The following CPD variants were observed in gnomAD, a reference collection of about 807,000 sequenced individuals.
The protein encoded by CPD is carboxypeptidase D.
In CPD, 69 loss-of-function variants were observed where a neutral mutation model predicts 138.3. The ratio of observed to expected loss-of-function variants is 0.50; its 90% CI spans 0.41 to 0.61. CPD has a LOEUF of 0.61. Among genes scored for constraint, CPD ranks in the 20% least tolerant of loss-of-function variants. The pLI, the probability that CPD is intolerant of heterozygous loss-of-function variation, is 0.00. For missense variants in CPD, 1,432 were observed against 1,733.3 expected, an observed-to-expected ratio of 0.83 and a Z score of 3.09; for synonymous variants, 651 against 642.1, an observed-to-expected ratio of 1.01 and a Z score of -0.21.
chr17:30,437,765 T>G (rs984582459), intron 8 of CPD, among the ~76,000 whole-genome samples: 18 of 114,432 alleles, frequency 1.6e-4, no homozygotes, highest in African/African-American at 5.9e-4. Context: ...ATTATGGTTT[T>G]TATTTGATAA....
At chr17:30,444,098 G>A (rs1209200705) in intron 11 of CPD, 127 bp downstream of exon 11, 20 of 901,736 alleles carry the variant, frequency 2.2e-5, no homozygotes, top group Non-Finnish European at 3.0e-5. Context: ...CGAAGTTTAG[G>A]GCTGGTTATA....
At chr17:30,456,099 T>G in intron 15 of CPD, 157 bp from the exon 16 acceptor site, 1 of 604,296 alleles carries the variant, frequency 1.7e-6, no homozygotes. Context: ...TATCTTGGGC[T>G]AAATAAAACC....
rs1399716649 is a variant in CPD, at chr17:30,469,286, C to T, written c.*4472C>T. 3 of 152,152 alleles carry T rather than the reference C, an allele frequency of 2.0e-5. No individual in the cohort carries two copies. Among genetic ancestry groups the T allele is most frequent in the South Asian group, 2.1e-4 (1 of 4,826 alleles). The allele number at this position is 152,152 out of a possible 1,614,324, so 9.4% of individuals were successfully genotyped here. Reference sequence around the variant, plus strand: ...AGTCTCTGCTGTAAAGGAAATAAAGCATAGAGGTTTGAGCATGGACTTTGG... The same window carrying T: ...AGTCTCTGCTGTAAAGGAAATAAAGTATAGAGGTTTGAGCATGGACTTTGG... On this transcript the variant is annotated 3_prime_UTR_variant, in exon 21 of 21. Coordinates refer to ENST00000225719, the MANE Select transcript of CPD (RefSeq NM_001304.5).
chr17:30,457,236 C>G (rs1217859547), intron 17 of CPD, among the ~76,000 whole-genome samples: 1 of 152,180 alleles, frequency 6.6e-6, no homozygotes, highest in African/African-American at 2.4e-5. Context: ...AATATTTACC[C>G]TTTCACTTAG....
chr17:30,448,783 T>C (rs1001384066), intron 12 of CPD, among the ~76,000 whole-genome samples: 4 of 152,092 alleles, frequency 2.6e-5, no homozygotes, highest in Non-Finnish European at 4.4e-5. Flanking sequence ...AAATATAACG[T>C]GACTTATTTA....
intron 16 of CPD, 49 bp from the exon 17 acceptor site, chr17:30,456,413 G>A (rs907016969): frequency 1.9e-6 from 3 of 1,608,634 alleles, no homozygotes; most frequent in African/African-American, 2.7e-5. Flanking sequence ...GGGGAAAGGA[G>A]TTTCACCTTA....
intron 17 of CPD, among the ~76,000 whole-genome samples, chr17:30,459,302 A>C (rs558599564): frequency 2.0e-5 from 3 of 151,724 alleles, no homozygotes; most frequent in East Asian, 1.9e-4. Flanking sequence ...ATATGTATAC[A>C]TGTGCCATGT....
chr17:30,417,670 CA>C (rs1437605022), intron 2 of CPD, among the ~76,000 whole-genome samples: 1 of 152,002 alleles, frequency 6.6e-6, no homozygotes, highest in Non-Finnish European at 1.5e-5. Flanking sequence ...GAGTTGCTAC[CA>C]CATCATTTTA....
At chr17:30,409,081 G>A (rs1911886824) in intron 2 of CPD, among the ~76,000 whole-genome samples, 1 of 152,064 alleles carries the variant, frequency 6.6e-6, no homozygotes, top group Non-Finnish European at 1.5e-5. Flanking sequence ...GTTGAATTTT[G>A]TCTAAGGCCT....
At chr17:30,432,566 C>A (rs1039163099) in intron 8 of CPD, among the ~76,000 whole-genome samples, 2 of 151,994 alleles carry the variant, frequency 1.3e-5, no homozygotes. Context: ...ATTACTCTTA[C>A]AATCGGGAAT....
In CPD at chr17:30,379,007, G is replaced by A; in HGVS notation, c.27G>A (p.Pro9=). The A allele has an allele frequency of 4.5e-6, 7 of 1,548,250 alleles. No individual in the cohort carries two copies. The highest frequency in any genetic ancestry group is 5.2e-6 in the Non-Finnish European group (6 of 1,157,022). Residue 9 remains proline (P), a synonymous_variant, in exon 1 of 21, where the codon CCG becomes CCA. Coordinates refer to ENST00000225719, the MANE Select transcript of CPD (RefSeq NM_001304.5). The surrounding 1 kb of genome is among the most constrained non-coding windows in gnomAD (Gnocchi z 7.0). MASGRDER[P]PWRLGRLLLL... is the part of the protein sequence containing the mutation. ...TGGCGAGCGGCCGGGACGAGCGGCC[G>A]CCTTGGCGGCTAGGGCGGCTCCTGT...
At chr17:30,387,394 T>C (rs1350224363) in intron 2 of CPD, among the ~76,000 whole-genome samples, 3 of 152,218 alleles carry the variant, frequency 2.0e-5, no homozygotes, top group African/African-American at 7.2e-5. Flanking sequence ...GCTGGAATTA[T>C]GTATGAGCCA....
At chr17:30,457,371 A>T (rs1913328498) in intron 17 of CPD, among the ~76,000 whole-genome samples, 1 of 152,128 alleles carries the variant, frequency 6.6e-6, no homozygotes, top group South Asian at 2.1e-4. Context: ...GTCAATGGGC[A>T]CTTGGATTTC....
chr17:30,397,232 CTA>C (rs1476313215), intron 2 of CPD, among the ~76,000 whole-genome samples: 1 of 151,966 alleles, frequency 6.6e-6, no homozygotes, highest in Non-Finnish European at 1.5e-5. Context: ...GTGCTAGTGA[CTA>C]TTGTAATAAT....
At chr17:30,422,108 T>G (rs998960009) in intron 4 of CPD, among the ~76,000 whole-genome samples, 25 of 152,340 alleles carry the variant, frequency 1.6e-4, no homozygotes, top group African/African-American at 5.3e-4. Flanking sequence ...AAGCATTGCC[T>G]TAAAGCTAAC....
chr17:30,390,841 T>TA, intron 2 of CPD, among the ~76,000 whole-genome samples: 1 of 152,244 alleles, frequency 6.6e-6, no homozygotes, highest in African/African-American at 2.4e-5. Context: ...GCCTTTTTTT[T>TA]TTTTTGAGAT....
intron 7 of CPD, among the ~76,000 whole-genome samples, chr17:30,428,983 A>G (rs1031982923): frequency 3.3e-4 from 51 of 152,296 alleles, no homozygotes; most frequent in African/African-American, 1.1e-3. Flanking sequence ...TGGAGACTTC[A>G]TGTCATATAG....
At chr17:30,397,788 C>T (rs1218440894) in intron 2 of CPD, among the ~76,000 whole-genome samples, 2 of 143,836 alleles carry the variant, frequency 1.4e-5, no homozygotes, top group African/African-American at 2.6e-5. Flanking sequence ...CTTAAAGAGG[C>T]ATGTTCAGGC....
intron 6 of CPD, among the ~76,000 whole-genome samples, chr17:30,426,599 G>C (rs151285663): frequency 3.3e-5 from 5 of 152,296 alleles, no homozygotes; most frequent in Admixed American, 6.5e-5. Flanking sequence ...CCAATCTTAG[G>C]TTCTACAGTA....
Sources: allele counts gnomAD v4.1 joint callset (sites outside exome capture counted in the v4.1 genomes callset), GRCh38; gene constraint gnomAD v4.1.1; non-coding constraint Gnocchi (gnomAD v3.1); transcripts MANE v1.5; gene names NCBI Gene and HGNC (gene_info 2026-07-23, HGNC 2026-07-21).